Variants in NBEA observed in about 807,000 individuals in gnomAD.
The protein encoded by NBEA is lysosomal-trafficking regulator 2.
NBEA carries 44 observed loss-of-function variants against 343.4 expected under a neutral mutation model. The observed-to-expected ratio is 0.13, with a 90% CI of 0.10 to 0.16. NBEA has a LOEUF of 0.16. Ranked by LOEUF, NBEA falls within the 10% of genes least tolerant of loss-of-function variation. The probability of loss-of-function intolerance (pLI) is 1.00; values close to 1 mark genes in which losing one functional copy is unlikely to be tolerated. For missense variants in NBEA, 2,555 were observed against 3,631.3 expected (o/e 0.70, Z 7.62); for synonymous variants, 1,175 against 1,238.7 (o/e 0.95, Z 1.08).
intron 10 of NBEA, among the ~76,000 whole-genome samples, chr13:35,096,905 T>G (rs1024522655): frequency 1.3e-5 from 2 of 152,068 alleles, no homozygotes; most frequent in African/African-American, 4.8e-5. Flanking sequence ...TTCTTGTAAG[T>G]GTCTGTCTTT....
chr13:35,012,494 T>G (rs2061520001), intron 1 of NBEA, among the ~76,000 whole-genome samples: 2 of 152,172 alleles, frequency 1.3e-5, no homozygotes, highest in Non-Finnish European at 2.9e-5. Context: ...ATAGCCTAAG[T>G]GAGTCACTTT....
chr13:35,321,891 C>T (rs942090606), intron 36 of NBEA, among the ~76,000 whole-genome samples: 6 of 152,188 alleles, frequency 3.9e-5, no homozygotes, highest in Non-Finnish European at 8.8e-5. Flanking sequence ...GCTTTGTTTA[C>T]ACTATGCAGG....
chr13:35,146,609 G>A (rs377168743), intron 18 of NBEA, among the ~76,000 whole-genome samples: 5 of 152,010 alleles, frequency 3.3e-5, no homozygotes, highest in African/African-American at 1.2e-4. Flanking sequence ...CCCTTGGCTG[G>A]GACAGGTATT....
intron 36 of NBEA, among the ~76,000 whole-genome samples, chr13:35,315,049 T>A (rs548297395): frequency 6.6e-6 from 1 of 152,336 alleles, no homozygotes; most frequent in South Asian, 2.1e-4. Context: ...TTATACATGC[T>A]TTTATCCCAT....
intron 35 of NBEA, among the ~76,000 whole-genome samples, chr13:35,296,762 CACTTTT>C (rs1277845591): frequency 2.0e-5 from 3 of 151,998 alleles, no homozygotes; most frequent in Non-Finnish European, 2.9e-5. Flanking sequence ...ATATATTTCA[CACTTTT>C]ACTTCTAGTA....
At chr13:34,950,650 C>T (rs907212658) in intron 1 of NBEA, among the ~76,000 whole-genome samples, 2 of 150,824 alleles carry the variant, frequency 1.3e-5, no homozygotes, top group Non-Finnish European at 3.0e-5. Context: ...TATTACAGGA[C>T]GAAGCATAAG....
intron 36 of NBEA, among the ~76,000 whole-genome samples, chr13:35,327,803 A>G (rs1025132911): frequency 6.6e-6 from 1 of 152,034 alleles, no homozygotes; most frequent in Non-Finnish European, 1.5e-5. Flanking sequence ...AAAGGAATAT[A>G]TATCAATGAA....
Position 35,667,541 on chromosome 13 carries a change from G to T in NBEA, c.8632G>T (p.Ala2878Ser). 6.2e-7 allele frequency: 1 copy of T among 1,613,970 alleles called. No individual in the cohort carries two copies. The highest frequency in any genetic ancestry group is 8.5e-7 in the Non-Finnish European group (1 of 1,179,868). ...TTTCAGCATTAATGGGAAACTTTTG[G>T]CTCAAATGGAGATCAATGATTCAAC... is the stretch of plus-strand genomic sequence containing the variant. The part of the protein sequence containing the change: ...SNFSINGKLL[A>S]QMEINDSTRA... Residue 2878 changes from alanine to serine, a missense_variant, in exon 57 of 59, where the codon GCT (alanine) becomes TCT (serine). This residue lies in a region of NBEA where 186 missense variants were observed against 328.9 expected (regional missense o/e 0.57). Coordinates refer to ENST00000379939, the MANE Select transcript of NBEA (RefSeq NM_001385012.1).
intron 55 of NBEA, among the ~76,000 whole-genome samples, chr13:35,659,614 A>T (rs1362094198): frequency 1.3e-5 from 2 of 152,224 alleles, no homozygotes; most frequent in African/African-American, 2.4e-5. Flanking sequence ...TCACAAAGAT[A>T]ATGAATATTT....
Position 35,580,234 on chromosome 13 carries a change from T to C in NBEA, c.7036-3664T>C, listed in dbSNP as rs573700524. ...ACAGCAATAAATCTAAAAACAGGCT[T>C]TAAACTTTCAGTTAAACTTTTGTAT... On this transcript the variant is annotated intron_variant, in intron 45 of 58. Coordinates refer to ENST00000379939, the MANE Select transcript of NBEA (RefSeq NM_001385012.1). Among the ~76,000 whole-genome samples, 13 of 152,290 alleles carry C rather than the reference T, an allele frequency of 8.5e-5. No homozygotes were observed. In the South Asian group the frequency reaches 2.7e-3, roughly 32 times the overall value.
intron 36 of NBEA, among the ~76,000 whole-genome samples, 165 bp from the exon 37 acceptor site, chr13:35,348,943 C>G (rs1408098260): frequency 6.6e-6 from 1 of 151,902 alleles, no homozygotes; most frequent in Non-Finnish European, 1.5e-5. Context: ...TGACATCTTT[C>G]TATATTTCAC....
At chr13:35,376,187 AT>A (rs1315197937) in intron 38 of NBEA, among the ~76,000 whole-genome samples, 5 of 152,132 alleles carry the variant, frequency 3.3e-5, no homozygotes, top group Non-Finnish European at 5.9e-5. Context: ...TAACTTTTCC[AT>A]TACGGGTGCT....
intron 55 of NBEA, among the ~76,000 whole-genome samples, chr13:35,664,372 A>G (rs757416825): frequency 1.3e-5 from 2 of 152,190 alleles, no homozygotes; most frequent in Non-Finnish European, 2.9e-5. Flanking sequence ...AGGAATTCAC[A>G]AAGGAAAACA....
At chr13:35,620,989 T>C (rs550897482) in intron 48 of NBEA, among the ~76,000 whole-genome samples, 1 of 152,144 alleles carries the variant, frequency 6.6e-6, no homozygotes, top group African/African-American at 2.4e-5. Flanking sequence ...CGTGGGTGTT[T>C]AGTGCCTGTT....
At chr13:35,592,330 G>C (rs1044083382) in intron 46 of NBEA, among the ~76,000 whole-genome samples, 2 of 152,048 alleles carry the variant, frequency 1.3e-5, no homozygotes, top group African/African-American at 4.8e-5. Flanking sequence ...TATGTACCAG[G>C]AGTTGTTCTA....
chr13:35,195,892 A>C lies in NBEA; in HGVS notation c.4956A>C (p.Ile1652=), dbSNP rs746153526. 12 of 1,606,736 alleles carry C rather than the reference A, an allele frequency of 7.5e-6. No homozygotes were observed. Among genetic ancestry groups the C allele is most frequent in the Non-Finnish European group, 1.0e-5 (12 of 1,177,862 alleles). The change falls in exon 31 of 59, where the codon ATA becomes ATC. Residue 1652 remains isoleucine, a synonymous_variant. Transcript: ENST00000379939. ...CACCTGCTGCATTTCCAGACACCATAAAAGAAAAAGAAACACCAACTCCTG... is the reference window on the plus strand; with the variant it reads ...CACCTGCTGCATTTCCAGACACCATCAAAGAAAAAGAAACACCAACTCCTG... ...KETPAAFPDT[I]KEKETPTPGE...
intron 1 of NBEA, among the ~76,000 whole-genome samples, chr13:34,946,799 A>C (rs961900465): frequency 6.7e-6 from 1 of 148,622 alleles, no homozygotes; most frequent in African/African-American, 2.5e-5. Context: ...AATTTCTCTC[A>C]TCTTGGCTTA....
chr13:35,658,381 A>G (rs1413830960), intron 55 of NBEA, among the ~76,000 whole-genome samples: 1 of 152,214 alleles, frequency 6.6e-6, no homozygotes, highest in Non-Finnish European at 1.5e-5. Context: ...GTAGTATGGT[A>G]CATTAATAAA....
chr13:35,155,634 GAAAA>G (rs966670130), intron 18 of NBEA, 136 bp from the exon 19 acceptor site: 1 of 619,162 alleles, frequency 1.6e-6, no homozygotes, highest in Non-Finnish European at 2.7e-6. Context: ...AAGAAAGAAA[GAAAA>G]AAGTCCCTTT....
Sources: allele counts gnomAD v4.1 joint callset (sites outside exome capture counted in the v4.1 genomes callset), GRCh38; gene constraint gnomAD v4.1.1; regional missense constraint gnomAD v4.1.1; transcripts MANE v1.5; gene names NCBI Gene and HGNC (gene_info 2026-07-23, HGNC 2026-07-21).